The following STAB2 variants were observed in gnomAD, a reference collection of about 807,000 sequenced individuals.
STAB2 encodes stabilin 2, also known as stabilin-2.
Under a neutral mutation model 338.1 loss-of-function variants are expected in STAB2, and 288 were observed. The observed-to-expected ratio is 0.85, with a 90% confidence interval of 0.77 to 0.94. STAB2 has a LOEUF of 0.94. STAB2 is among the 40% of genes least tolerant of loss of function. STAB2 has a pLI of 0.00. For missense variants in STAB2, 3,141 were observed against 3,210.1 expected (o/e 0.98, Z 0.52); for synonymous variants, 1,202 against 1,193.3 (o/e 1.01, Z -0.15).
rs181738846 is a variant in STAB2, at chr12:103,684,184, C to T, written c.2902-805C>T. ...GCTTCTGTGTACATCTTGAGGTAAA[C>T]GGTTCCCCCACCATCAGTGATGCCC... On this transcript the variant is annotated intron_variant, in intron 26 of 68. Coordinates refer to ENST00000388887, the MANE Select transcript of STAB2 (RefSeq NM_017564.10). 3.9e-5 allele frequency among the ~76,000 whole-genome samples: 6 copies of T among 152,296 alleles called. No homozygotes were observed. In the East Asian group the frequency reaches 5.8e-4, roughly 15 times the overall value.
chr12:103,587,620 CGTTTTCCTCTGTT>C, intron 1 of STAB2, 63 bp downstream of exon 1: 1 of 1,397,798 alleles, frequency 7.2e-7, no homozygotes, highest in Non-Finnish European at 1.0e-6. Flanking sequence ...AAAAGCTTGT[CGTTTTCCTCTGTT>C]GTTATGGGTA....
At chr12:103,658,067 A>T (rs1874323089) in intron 15 of STAB2, 1 of 152,212 alleles carries the variant, frequency 6.6e-6, no homozygotes. Context: ...GCCCCAGTTC[A>T]AGGTTTCATC....
chr12:103,737,553 T>C (rs1170497260), intron 52 of STAB2, 81 bp from the exon 53 acceptor site: 2 of 1,439,274 alleles, frequency 1.4e-6, no homozygotes, highest in East Asian at 4.9e-5. Flanking sequence ...AAAGAAGAGA[T>C]GTGTGAAAGA....
chr12:103,670,971 C>G (rs1360034741), intron 22 of STAB2, among the ~76,000 whole-genome samples, 164 bp downstream of exon 22: 1 of 152,194 alleles, frequency 6.6e-6, no homozygotes, highest in Non-Finnish European at 1.5e-5. Context: ...GAGCGTGTGT[C>G]AGAGGGCTGA....
intron 31 of STAB2, 80 bp downstream of exon 31, chr12:103,692,969 T>TA (rs1356396266): frequency 1.0e-5 from 12 of 1,159,686 alleles, no homozygotes; most frequent in South Asian, 4.4e-5. Context: ...TTTTTTTTTT[T>TA]AAATAGAAAA....
intron 23 of STAB2, among the ~76,000 whole-genome samples, 163 bp from the exon 24 acceptor site, chr12:103,675,765 A>T (rs1247925920): frequency 6.6e-6 from 1 of 152,226 alleles, no homozygotes; most frequent in East Asian, 1.9e-4. Flanking sequence ...GTATCTGATT[A>T]CAGATCCCAG....
At chr12:103,679,096 C>T (rs1354412987) in intron 25 of STAB2, among the ~76,000 whole-genome samples, 1 of 152,084 alleles carries the variant, frequency 6.6e-6, no homozygotes, top group Non-Finnish European at 1.5e-5. Context: ...TCAACATGGG[C>T]CGGGCACTGT....
chr12:103,657,652 T>G (rs551997822), intron 15 of STAB2: 64 of 152,360 alleles, frequency 4.2e-4, no homozygotes, highest in African/African-American at 1.5e-3. Context: ...GCTCTCAATC[T>G]TGTTTCTCTC....
At chr12:103,605,220 G>A (rs930921153) in intron 3 of STAB2, among the ~76,000 whole-genome samples, 4 of 151,784 alleles carry the variant, frequency 2.6e-5, no homozygotes, top group African/African-American at 7.3e-5. Context: ...TATCAAATTT[G>A]TGAGGTTAAG....
At chr12:103,666,213 A>G in intron 18 of STAB2, 78 bp from the exon 19 acceptor site, 8 of 1,445,402 alleles carry the variant, frequency 5.5e-6, no homozygotes, top group South Asian at 2.3e-5. Flanking sequence ...GGAGGGAAGC[A>G]TGAAACCAGC....
Position 103,706,905 on chromosome 12 carries a change from T to C in STAB2, c.4110T>C (p.Gly1370=), listed in dbSNP as rs376886066. The C allele has an allele frequency of 6.2e-7, 1 of 1,613,940 alleles. No homozygotes were observed. Among genetic ancestry groups the C allele is most frequent in the Admixed American group, 1.7e-5 (1 of 59,994 alleles). ...GICLDGVNGT[G]VCECGEGFSG... Reference sequence around the variant, plus strand: ...GTTTGGATGGAGTGAATGGCACAGGTGTGTGTGAGTGTGGGGAGGGCTTCA... The same window carrying C: ...GTTTGGATGGAGTGAATGGCACAGGCGTGTGTGAGTGTGGGGAGGGCTTCA... The change falls in exon 38 of 69, where the codon GGT becomes GGC. Residue 1370 remains glycine, a synonymous_variant. Transcript: ENST00000388887.
chr12:103,718,029 C>T (rs979109607), intron 44 of STAB2, among the ~76,000 whole-genome samples, 188 bp downstream of exon 44: 5 of 152,160 alleles, frequency 3.3e-5, no homozygotes, highest in Admixed American at 3.3e-4. Flanking sequence ...AAGGCACAGT[C>T]TGCTACCCCC....
chr12:103,613,163 G>A (rs181297658), intron 3 of STAB2, among the ~76,000 whole-genome samples: 58 of 152,310 alleles, frequency 3.8e-4, no homozygotes, highest in African/African-American at 1.2e-3. Context: ...CAGTCTGTCC[G>A]TTCTCAGATC....
At chr12:103,704,302 T>C (rs952541469) in intron 35 of STAB2, among the ~76,000 whole-genome samples, 7 of 152,202 alleles carry the variant, frequency 4.6e-5, no homozygotes, top group East Asian at 1.9e-4. Flanking sequence ...TAAAAGTTAT[T>C]GTTAAAGAAT....
At position 103,587,542 on chromosome 12, in the gene STAB2, T is replaced by C; in HGVS notation, c.66T>C (p.Ala22=). 2 of 1,613,888 alleles carry C rather than the reference T, an allele frequency of 1.2e-6. No homozygotes were observed. The highest frequency in any genetic ancestry group is 1.7e-6 in the Non-Finnish European group (2 of 1,179,734). The change falls in exon 1 of 69, where the codon GCT becomes GCC. Residue 22 remains alanine (A), a synonymous_variant. Coordinates refer to ENST00000388887, the MANE Select transcript of STAB2 (RefSeq NM_017564.10). Reference sequence around the variant, plus strand: ...TTGTACAAAATTTCTGCTCCCCAGCTGAAACCACAGGGCAGGTAAGAGGAG... The same window carrying C: ...TTGTACAAAATTTCTGCTCCCCAGCCGAAACCACAGGGCAGGTAAGAGGAG... The part of the protein sequence containing the change: ...GLVVQNFCSP[A]ETTGQARRCD...
rs1371511804 is a variant in STAB2, at chr12:103,707,036, AG to A, written c.4192+51del. 2.5e-6 allele frequency: 4 copies of A among 1,591,948 alleles called. No homozygotes were observed. In the African/African-American group the frequency reaches 5.4e-5, roughly 21 times the overall value. On this transcript the variant is annotated intron_variant, in intron 38 of 68. Transcript: ENST00000388887. ...GGATCTTGGGCTGCTGAAACCAACC[AG>A]GAATATGCAGGGAAAGAGTGATCCC...
intron 17 of STAB2, among the ~76,000 whole-genome samples, chr12:103,661,279 A>C (rs1462389926): frequency 1.3e-5 from 2 of 151,724 alleles, no homozygotes; most frequent in Non-Finnish European, 2.9e-5. Flanking sequence ...AGGGGAACAC[A>C]ATTCATTTTT....
At chr12:103,713,375 G>C (rs10861076) in intron 41 of STAB2, among the ~76,000 whole-genome samples, 1 of 152,054 alleles carries the variant, frequency 6.6e-6, no homozygotes, top group South Asian at 2.1e-4. Flanking sequence ...ATCTTACCCT[G>C]GGGATTCTCC....
Position 103,749,124 on chromosome 12 carries a change from C to T in STAB2, c.6406C>T (p.His2136Tyr). ...TGCAGACGGCCTTAACGGAGGGTGT[C>T]ACGAGCACGCCACCTGTAAGATGAC... is the stretch of plus-strand genomic sequence containing the variant. ...PCADGLNGGC[H>Y]EHATCKMTGP... The change falls in exon 59 of 69, where the codon CAC becomes TAC. Residue 2136 changes from histidine to tyrosine, a missense_variant. By Grantham distance (83) the His-to-Tyr change is moderately conservative (BLOSUM62 2). Transcript: ENST00000388887. 2 of 1,608,722 alleles carry T rather than the reference C, an allele frequency of 1.2e-6. No individual in the cohort carries two copies. Among genetic ancestry groups the T allele is most frequent in the Non-Finnish European group, 1.7e-6 (2 of 1,175,868 alleles).
Sources: gnomAD v4.1 joint callset for allele counts (sites outside exome capture counted in the v4.1 genomes callset) on GRCh38, gnomAD v4.1.1 for gene constraint, MANE v1.5 for transcripts, NCBI Gene and HGNC (gene_info 2026-07-23, HGNC 2026-07-21) for gene names.